The following GRIA4 variants were observed in gnomAD, a reference collection of about 807,000 sequenced individuals.
GRIA4 encodes the protein glutamate ionotropic receptor AMPA type subunit 4.
GRIA4 carries 34 observed loss-of-function variants against 104.0 expected under a neutral mutation model. That is an observed-to-expected ratio of 0.33 (90% confidence interval 0.25 to 0.44). The LOEUF (loss-of-function observed/expected upper bound fraction) is 0.44. Among genes scored for constraint, GRIA4 ranks in the 20% least tolerant of loss-of-function variants. The pLI is 1.00. For synonymous variants in GRIA4, 386 were observed against 381.9 expected, an observed-to-expected ratio of 1.01 and a Z score of -0.13; for missense variants, 750 against 1,096.5, an observed-to-expected ratio of 0.68 and a Z score of 4.46.
At chr11:105,815,121 A>G (rs1413685306) in intron 4 of GRIA4, among the ~76,000 whole-genome samples, 1 of 152,186 alleles carries the variant, frequency 6.6e-6, no homozygotes, top group Non-Finnish European at 1.5e-5. Flanking sequence ...AGAGTGACAG[A>G]GTCCTGACAA....
chr11:105,679,887 G>T (rs1952655818), intron 3 of GRIA4, among the ~76,000 whole-genome samples: 1 of 152,012 alleles, frequency 6.6e-6, no homozygotes, highest in South Asian at 2.1e-4. Context: ...TTCCTGAAGG[G>T]TTTGGGCCAT....
intron 10 of GRIA4, among the ~76,000 whole-genome samples, chr11:105,914,016 A>G (rs1947330910): frequency 6.6e-6 from 1 of 151,884 alleles, no homozygotes; most frequent in Non-Finnish European, 1.5e-5. Flanking sequence ...ATACATATAT[A>G]TGTGCATTAT....
chr11:105,643,018 A>G (rs536898879), intron 3 of GRIA4, among the ~76,000 whole-genome samples: 1 of 152,254 alleles, frequency 6.6e-6, no homozygotes, highest in South Asian at 2.1e-4. Flanking sequence ...GTGCTGAGCA[A>G]TAGGGGGAAA....
chr11:105,902,330 CT>C lies in GRIA4; in HGVS notation c.886-1472del, dbSNP rs1185823797. Among the ~76,000 whole-genome samples the C allele has an allele frequency of 6.5e-3, 939 of 144,776 alleles. 6 individuals carry two copies. Among genetic ancestry groups the C allele is most frequent in the African/African-American group, 0.021 (837 of 39,766 alleles). 95.0% of individuals were successfully genotyped at this position (144,776 alleles called of 152,430 possible). A position where few individuals can be genotyped will look rare whatever the true frequency, so the allele number is the denominator to read the frequency against. ...GCCTAAGTTTACTTTCTTTTCTTTT[CT>C]TTTTTTTTTTTCTTTCTGAGACAGG... On this transcript the variant is annotated intron_variant, in intron 7 of 16. Transcript: ENST00000282499.
chr11:105,716,871 C>A (rs980334223), intron 3 of GRIA4, among the ~76,000 whole-genome samples: 4 of 151,982 alleles, frequency 2.6e-5, no homozygotes, highest in African/African-American at 9.7e-5. Flanking sequence ...ATTTAAATTA[C>A]CTCGATGCCT....
intron 3 of GRIA4, among the ~76,000 whole-genome samples, chr11:105,646,123 C>A (rs907547271): frequency 6.6e-6 from 1 of 152,164 alleles, no homozygotes; most frequent in Non-Finnish European, 1.5e-5. Flanking sequence ...AAGCAATGTG[C>A]TTACTTAGAT....
At chr11:105,858,625 T>G (rs1235182331) in intron 4 of GRIA4, among the ~76,000 whole-genome samples, 1 of 152,146 alleles carries the variant, frequency 6.6e-6, no homozygotes, top group Non-Finnish European at 1.5e-5. Flanking sequence ...AACTATATTT[T>G]TGTACCTATT....
intron 3 of GRIA4, among the ~76,000 whole-genome samples, chr11:105,680,798 AT>A (rs1326792097): frequency 6.6e-6 from 1 of 152,144 alleles, no homozygotes; most frequent in Non-Finnish European, 1.5e-5. Flanking sequence ...AGTGATTTCT[AT>A]CACCTTGTCC....
chr11:105,860,075 C>A (rs1945163288), intron 4 of GRIA4, among the ~76,000 whole-genome samples: 1 of 152,118 alleles, frequency 6.6e-6, no homozygotes, highest in Admixed American at 6.6e-5. Flanking sequence ...AAAGGAAAGA[C>A]TAAATGGAGC....
At chr11:105,842,668 G>GC (rs1944436281) in intron 4 of GRIA4, 1 of 152,080 alleles carries the variant, frequency 6.6e-6, no homozygotes, top group South Asian at 2.1e-4. Context: ...ATGAGTCTCA[G>GC]CCCACACACT....
intron 4 of GRIA4, among the ~76,000 whole-genome samples, chr11:105,779,934 G>A (rs753562690): frequency 1.3e-5 from 2 of 152,096 alleles, no homozygotes; most frequent in Non-Finnish European, 2.9e-5. Flanking sequence ...TCAAAGCTAT[G>A]GAATCTTTCA....
chr11:105,617,544 C>T (rs1950632194), intron 3 of GRIA4, among the ~76,000 whole-genome samples: 1 of 151,870 alleles, frequency 6.6e-6, no homozygotes, highest in Non-Finnish European at 1.5e-5. Flanking sequence ...AAAGGAATTG[C>T]CATTTATCAT....
At chr11:105,785,055 T>C (rs1306435410) in intron 4 of GRIA4, among the ~76,000 whole-genome samples, 1 of 152,134 alleles carries the variant, frequency 6.6e-6, no homozygotes, top group Non-Finnish European at 1.5e-5. Context: ...TTATATGCTA[T>C]ATATAAATTA....
chr11:105,832,494 G>C (rs139630629), intron 4 of GRIA4, among the ~76,000 whole-genome samples: 19 of 151,848 alleles, frequency 1.3e-4, no homozygotes, highest in Admixed American at 2.6e-4. Context: ...TATCTAATTT[G>C]TTCTCTGCTG....
intron 4 of GRIA4, among the ~76,000 whole-genome samples, chr11:105,837,058 A>G (rs992914655): frequency 6.8e-6 from 1 of 146,774 alleles, no homozygotes; most frequent in African/African-American, 2.5e-5. Flanking sequence ...GGGAAGAGGC[A>G]CATCTTACAT....
intron 3 of GRIA4, among the ~76,000 whole-genome samples, chr11:105,703,993 C>T (rs561843241): frequency 1.3e-5 from 2 of 152,126 alleles, no homozygotes; most frequent in South Asian, 4.1e-4. Context: ...GATATTCTAG[C>T]ATTATACAAA....
intron 3 of GRIA4, among the ~76,000 whole-genome samples, chr11:105,671,858 C>T (rs780253901): frequency 6.6e-6 from 1 of 151,772 alleles, no homozygotes; most frequent in Non-Finnish European, 1.5e-5. Context: ...ATGTACATTC[C>T]CAGACTCCAC....
At chr11:105,612,755 C>T (rs565509617) in intron 3 of GRIA4, 14 of 217,392 alleles carry the variant, frequency 6.4e-5, no homozygotes, top group East Asian at 6.0e-4. Context: ...TCCTATCATC[C>T]GAATGTCAAT....
intron 3 of GRIA4, among the ~76,000 whole-genome samples, chr11:105,721,858 T>G (rs559204841): frequency 6.6e-6 from 1 of 152,264 alleles, no homozygotes; most frequent in Admixed American, 6.5e-5. Context: ...AAAGACTGTT[T>G]GCTTTTTGTA....
Sources: gnomAD v4.1 joint callset for allele counts (sites outside exome capture counted in the v4.1 genomes callset) on GRCh38, gnomAD v4.1.1 for gene constraint, MANE v1.5 for transcripts, NCBI Gene and HGNC (gene_info 2026-07-23, HGNC 2026-07-21) for gene names.